Variants in MPHOSPH8 observed in about 807,000 individuals in gnomAD.
The protein encoded by MPHOSPH8 is M-phase phosphoprotein 8, also known as M-phase phosphoprotein, mpp.
In MPHOSPH8, 45 loss-of-function variants were observed where a neutral mutation model predicts 87.3. The observed-to-expected ratio is 0.52, with a 90% CI of 0.41 to 0.66. MPHOSPH8 has a LOEUF of 0.66. Among genes scored for constraint, MPHOSPH8 ranks in the 30% least tolerant of loss-of-function variants. The pLI is 0.00. For synonymous variants in MPHOSPH8, 366 were observed against 376.9 expected (o/e 0.97, Z 0.33); for missense variants, 883 against 1,020.2 (o/e 0.87, Z 1.83).
At chr13:19,664,113 G>T (rs1875693668) in intron 9 of MPHOSPH8, among the ~76,000 whole-genome samples, 1 of 152,198 alleles carries the variant, frequency 6.6e-6, no homozygotes, top group South Asian at 2.1e-4. Context: ...CGAGTAGCTG[G>T]GACTACAGGT....
rs561433322 is a variant in MPHOSPH8 at position 19,659,874 on chromosome 13, T to G, written c.1791+585T>G. Among the ~76,000 whole-genome samples the G allele has an allele frequency of 1.5e-3, 221 of 152,142 alleles. 1 individual carries two copies. Among genetic ancestry groups the G allele is most frequent in the African/African-American group, 5.1e-3 (213 of 41,500 alleles). The stretch of plus-strand genomic sequence containing the variant: ...GACCATTTTCCTGTGGTCATTTGTG[T>G]TTCTTTGATGGTTGTCCCATTTACA... On this transcript the variant is annotated intron_variant, in intron 7 of 13. Transcript: ENST00000361479.
intron 5 of MPHOSPH8, among the ~76,000 whole-genome samples, chr13:19,656,137 G>A (rs1875151999): frequency 6.6e-6 from 1 of 151,792 alleles, no homozygotes; most frequent in South Asian, 2.1e-4. Flanking sequence ...AAATAAACCA[G>A]GCAGGATGGC....
intron 2 of MPHOSPH8, among the ~76,000 whole-genome samples, chr13:19,645,866 G>A (rs1221827258): frequency 1.3e-5 from 2 of 151,886 alleles, no homozygotes; most frequent in African/African-American, 4.8e-5. Context: ...GTGTTTATAC[G>A]AGTACTTTAT....
chr13:19,653,026 G>T (rs550414473), intron 5 of MPHOSPH8, among the ~76,000 whole-genome samples: 1 of 152,132 alleles, frequency 6.6e-6, no homozygotes, highest in East Asian at 2.0e-4. Context: ...AAACGTCCCT[G>T]CCTCACGGCT....
At chr13:19,652,017 G>T (rs1240580537) in intron 5 of MPHOSPH8, among the ~76,000 whole-genome samples, 1 of 152,098 alleles carries the variant, frequency 6.6e-6, no homozygotes, top group Non-Finnish European at 1.5e-5. Context: ...CAGGAGAATC[G>T]CTTGAACCCA....
At chr13:19,637,185 A>G (rs918756655) in intron 1 of MPHOSPH8, among the ~76,000 whole-genome samples, 2 of 152,256 alleles carry the variant, frequency 1.3e-5, no homozygotes, top group African/African-American at 2.4e-5. Context: ...ATCTGGAGCT[A>G]TAATTAAGAT....
rs573433313 is a variant in MPHOSPH8, at chr13:19,666,899, C to T, written c.2174+320C>T. On this transcript the variant is annotated intron_variant, in intron 10 of 13. Transcript: ENST00000361479. The stretch of plus-strand genomic sequence containing the variant: ...AAACTTGGCCGGGCGCAGTGGCTCA[C>T]GCTTGTAATCCTAGTACTTTGGGAG... Among the ~76,000 whole-genome samples, 6 of 152,266 alleles carry T rather than the reference C, an allele frequency of 3.9e-5. No homozygotes were observed. The South Asian group carries it at 8.3e-4, about 21-fold the overall frequency.
At chr13:19,646,316 C>A in intron 2 of MPHOSPH8, 127 bp from the exon 3 acceptor site, 1 of 770,504 alleles carries the variant, frequency 1.3e-6, no homozygotes, top group Non-Finnish European at 1.8e-6. Context: ...CTTAGGTAAG[C>A]AGTTTTAAGA....
At chr13:19,637,307 C>T (rs1191532474) in intron 1 of MPHOSPH8, among the ~76,000 whole-genome samples, 1 of 152,152 alleles carries the variant, frequency 6.6e-6, no homozygotes, top group Non-Finnish European at 1.5e-5. Context: ...AGGTAATTTT[C>T]TAGTCTCCAC....
intron 1 of MPHOSPH8, among the ~76,000 whole-genome samples, chr13:19,634,652 C>T (rs1008291155): frequency 2.0e-5 from 3 of 152,114 alleles, no homozygotes; most frequent in Admixed American, 6.5e-5. Flanking sequence ...TTGACCCTAA[C>T]CTCTGCAGAG....
chr13:19,668,393 GAA>G lies in MPHOSPH8; in HGVS notation c.2192_2193del (p.Glu731GlyfsTer8). The G allele has an allele frequency of 6.2e-7, 1 of 1,613,666 alleles. No individual in the cohort carries two copies. The highest frequency in any genetic ancestry group is 8.5e-7 in the Non-Finnish European group (1 of 1,179,816). On this transcript the variant is annotated frameshift_variant, in exon 11 of 14. Coordinates refer to ENST00000361479, the MANE Select transcript of MPHOSPH8 (RefSeq NM_017520.4). LOFTEE classifies it high-confidence loss of function. The part of the protein sequence containing the change: ...NHLETLSRVA[E>X]ETIKDYFEAR... ...TTTTCTTAGACTTTCAAGAGTAGCA[GAA>G]GAGACAATAAAGGATTACTTTGAAG...
At chr13:19,638,338 G>C (rs1874109473) in intron 1 of MPHOSPH8, among the ~76,000 whole-genome samples, 1 of 151,948 alleles carries the variant, frequency 6.6e-6, no homozygotes, top group Non-Finnish European at 1.5e-5. Context: ...TTTGAGGCTG[G>C]GCACGGTGGC....
At chr13:19,642,358 A>G in intron 2 of MPHOSPH8, 88 bp downstream of exon 2, 4 of 1,136,918 alleles carry the variant, frequency 3.5e-6, no homozygotes, top group Non-Finnish European at 4.8e-6. Context: ...AATGATTTAC[A>G]AATAACAAAG....
At position 19,671,289 on chromosome 13, in the gene MPHOSPH8, G is replaced by GTC; in HGVS notation, c.2541_2541+1insTC (p.Val848SerfsTer5). ...GGTTGACAGAAGCACCCTCTGCCAA[G>GTC]GTGACAGTCCTTTCTTCACATTTAG... On this transcript the variant is annotated frameshift_variant and splice_region_variant. Transcript: ENST00000361479. LOFTEE classifies it high-confidence loss of function. 1 of 1,610,324 alleles carries GTC rather than the reference G, an allele frequency of 6.2e-7. No individual in the cohort carries two copies. Among genetic ancestry groups the GTC allele is most frequent in the Non-Finnish European group, 8.5e-7 (1 of 1,176,604 alleles).
chr13:19,667,379 A>C (rs1239205037), intron 10 of MPHOSPH8, among the ~76,000 whole-genome samples: 1 of 152,128 alleles, frequency 6.6e-6, no homozygotes, highest in African/African-American at 2.4e-5. Context: ...AATCCCCTGG[A>C]GCGCAGCATT....
Position 19,673,266 on chromosome 13 carries a change from G to A in MPHOSPH8, c.*1391G>A. 2 of 383,156 alleles carry A rather than the reference G, an allele frequency of 5.2e-6. No homozygotes were observed. Among genetic ancestry groups the A allele is most frequent in the South Asian group, 1.9e-5 (1 of 52,330 alleles). The allele number at this position is 383,156 out of a possible 1,614,324, so 23.7% of individuals were successfully genotyped here. ...CAAGCATAAATCAAGCTCAGTCTGG[G>A]TTATGGAGAAGTTGAAAATTGTTTT... On this transcript the variant is annotated 3_prime_UTR_variant, in exon 14 of 14. Coordinates refer to ENST00000361479, the MANE Select transcript of MPHOSPH8 (RefSeq NM_017520.4).
At chr13:19,663,528 A>G (rs1875661274) in intron 9 of MPHOSPH8, among the ~76,000 whole-genome samples, 1 of 152,194 alleles carries the variant, frequency 6.6e-6, no homozygotes, top group African/African-American at 2.4e-5. Context: ...TAGGGGTGGG[A>G]CGGAGTTCCT....
At chr13:19,652,883 C>G (rs1327028498) in intron 5 of MPHOSPH8, among the ~76,000 whole-genome samples, 1 of 152,120 alleles carries the variant, frequency 6.6e-6, no homozygotes, top group African/African-American at 2.4e-5. Context: ...CCTCTAGATT[C>G]CTCCTCTCTG....
chr13:19,652,040 T>G (rs557658442), intron 5 of MPHOSPH8, among the ~76,000 whole-genome samples: 1 of 152,114 alleles, frequency 6.6e-6, no homozygotes, highest in African/African-American at 2.4e-5. Context: ...AGGCAGAGGT[T>G]GTGGTGAGCC....
Sources: allele counts gnomAD v4.1 joint callset (sites outside exome capture counted in the v4.1 genomes callset), GRCh38; gene constraint gnomAD v4.1.1; transcripts MANE v1.5; gene names NCBI Gene and HGNC (gene_info 2026-07-23, HGNC 2026-07-21).